The following AFF3 variants were observed in gnomAD, a reference collection of about 807,000 sequenced individuals.
AFF3 encodes AF4/FMR2 family member 3.
A neutral mutation model predicts 129.7 loss-of-function variants in AFF3; 32 were observed. The ratio of observed to expected loss-of-function variants is 0.25; its 90% CI spans 0.19 to 0.33. The LOEUF (loss-of-function observed/expected upper bound fraction) is 0.33, where lower values mean the gene tolerates loss of function less well. Ranked by LOEUF, AFF3 falls within the 10% of genes least tolerant of loss-of-function variation. The probability of loss-of-function intolerance (pLI) is 1.00; values close to 1 mark genes in which losing one functional copy is unlikely to be tolerated. For synonymous variants in AFF3, 644 were observed against 635.4 expected, an observed-to-expected ratio of 1.01 and a Z score of -0.20; for missense variants, 1,373 against 1,592.0, an observed-to-expected ratio of 0.86 and a Z score of 2.34.
chr2:99,664,517 G>A (rs1395501355), intron 12 of AFF3, among the ~76,000 whole-genome samples: 2 of 152,150 alleles, frequency 1.3e-5, no homozygotes, highest in Admixed American at 1.3e-4. Flanking sequence ...CATGGAGATC[G>A]GATAAATGCC....
At chr2:99,696,556 G>A (rs925953052) in intron 11 of AFF3, among the ~76,000 whole-genome samples, 6 of 152,140 alleles carry the variant, frequency 3.9e-5, no homozygotes, top group Admixed American at 6.5e-5. Context: ...TCTTCCTTCT[G>A]TATTAGACAT....
At chr2:100,079,182 G>A (rs768320912) in intron 4 of AFF3, among the ~76,000 whole-genome samples, 17 of 152,036 alleles carry the variant, frequency 1.1e-4, no homozygotes, top group Non-Finnish European at 1.9e-4. Context: ...TCCTGACCTC[G>A]TGATTCGCCT....
Position 99,765,307 on chromosome 2 carries a change from G to A in AFF3, c.922-13006C>T, listed in dbSNP as rs575640458. On this transcript the variant is annotated intron_variant, in intron 8 of 24. Coordinates refer to ENST00000672756, the MANE Select transcript of AFF3 (RefSeq NM_001386135.1). ...ACTGTGGAGGCTGGAAGGAGAAGGG[G>A]GTGAAAATTACATTCTTGGCCACGT... Among the ~76,000 whole-genome samples, 3 of 152,260 alleles carry A rather than the reference G, an allele frequency of 2.0e-5. No homozygotes were observed. In the East Asian group the frequency reaches 5.8e-4, roughly 29 times the overall value.
At chr2:99,961,787 C>T (rs987280468) in intron 7 of AFF3, among the ~76,000 whole-genome samples, 59 of 152,150 alleles carry the variant, frequency 3.9e-4, no homozygotes, top group Non-Finnish European at 8.2e-4. Flanking sequence ...TCCCAACCCA[C>T]AGCCTATATA....
chr2:100,010,086 A>C (rs1178194160), intron 4 of AFF3, among the ~76,000 whole-genome samples: 2 of 152,172 alleles, frequency 1.3e-5, no homozygotes, highest in African/African-American at 4.8e-5. Context: ...TCTACGCCTT[A>C]ATGACTTCAT....
intron 24 of AFF3, among the ~76,000 whole-genome samples, chr2:99,552,878 C>T (rs1254501892): frequency 6.6e-6 from 1 of 152,218 alleles, no homozygotes; most frequent in Non-Finnish European, 1.5e-5. Context: ...CTGTTTTGTC[C>T]ACTGGTGACA....
intron 13 of AFF3, among the ~76,000 whole-genome samples, chr2:99,645,468 G>A (rs1166452525): frequency 6.6e-6 from 1 of 152,138 alleles, no homozygotes; most frequent in African/African-American, 2.4e-5. Context: ...GTATAAAATA[G>A]ATAAAAAAAT....
chr2:100,048,381 T>C (rs184515492), intron 4 of AFF3, among the ~76,000 whole-genome samples: 4 of 152,340 alleles, frequency 2.6e-5, no homozygotes, highest in African/African-American at 9.6e-5. Flanking sequence ...ATTAGGTTTA[T>C]AGTGGAGCAG....
At position 99,707,560 on chromosome 2, in the gene AFF3, C is replaced by T. The variant is rs776714691; in HGVS notation, c.1091+19517G>A. The stretch of plus-strand genomic sequence containing the variant: ...TTGATATTGAATTACCAAAGTATCT[C>T]GCTGAAAAAAAAATCCCCCTTGCAA... On this transcript the variant is annotated intron_variant, in intron 11 of 24. Coordinates refer to ENST00000672756, the MANE Select transcript of AFF3 (RefSeq NM_001386135.1). 1,224 of 948,208 alleles carry T rather than the reference C, an allele frequency of 1.3e-3. 1 individual carries two copies. The highest frequency in any genetic ancestry group is 3.3e-3 in the Admixed American group (38 of 11,660). 58.7% of individuals were successfully genotyped at this position (948,208 alleles called of 1,614,324 possible). A position where few individuals can be genotyped will look rare whatever the true frequency, so the allele number is the denominator to read the frequency against.
At chr2:99,732,808 C>CATAT (rs1243036707) in intron 10 of AFF3, among the ~76,000 whole-genome samples, 2 of 152,158 alleles carry the variant, frequency 1.3e-5, no homozygotes, top group Non-Finnish European at 2.9e-5. Context: ...ACTCCCCAGA[C>CATAT]AGTATATGAG....
chr2:99,821,665 T>A (rs1046326397), intron 8 of AFF3, among the ~76,000 whole-genome samples: 1 of 152,224 alleles, frequency 6.6e-6, no homozygotes, highest in Non-Finnish European at 1.5e-5. Flanking sequence ...TCAACTGTTC[T>A]GTATTGGACA....
At chr2:100,002,231 C>T (rs916936482) in intron 7 of AFF3, among the ~76,000 whole-genome samples, 6 of 152,226 alleles carry the variant, frequency 3.9e-5, no homozygotes, top group Non-Finnish European at 1.5e-5. Flanking sequence ...TTTACAGATG[C>T]CTTTTTTGCC....
At chr2:100,007,561 A>G in intron 5 of AFF3, 101 bp from the exon 6 acceptor site, 1 of 1,075,976 alleles carries the variant, frequency 9.3e-7, no homozygotes, top group Non-Finnish European at 1.4e-6. Flanking sequence ...GGGTTGTCAC[A>G]TGCAGAATGA....
intron 8 of AFF3, among the ~76,000 whole-genome samples, chr2:99,830,003 T>C (rs1688398856): frequency 6.6e-6 from 1 of 152,178 alleles, no homozygotes; most frequent in South Asian, 2.1e-4. Context: ...GCCACCATTC[T>C]CAGCAAACTA....
intron 8 of AFF3, among the ~76,000 whole-genome samples, chr2:99,758,705 C>T (rs944625573): frequency 1.3e-5 from 2 of 152,032 alleles, no homozygotes; most frequent in African/African-American, 4.8e-5. Context: ...AAATACTTCC[C>T]CATGCATTTT....
Position 99,591,955 on chromosome 2 carries a change from G to T in AFF3, c.2466+1240C>A, listed in dbSNP as rs147674699. Among the ~76,000 whole-genome samples, 271 of 152,336 alleles carry T rather than the reference G, an allele frequency of 1.8e-3. 2 individuals carry two copies. The highest frequency in any genetic ancestry group is 6.3e-3 in the African/African-American group (261 of 41,564). ...TAACATGTATAAAGTGCCTAGAGCA[G>T]CATCTGTCATGGGGACCTATATACC... On this transcript the variant is annotated intron_variant, in intron 15 of 24. Transcript: ENST00000672756.
At chr2:100,079,993 C>T (rs539140946) in intron 4 of AFF3, among the ~76,000 whole-genome samples, 5 of 152,348 alleles carry the variant, frequency 3.3e-5, no homozygotes, top group South Asian at 4.1e-4. Flanking sequence ...ACTATCACTT[C>T]AGCAGAGTTC....
At chr2:99,626,456 C>CCTTCCCTTCCCTTTCCCCTTCCT (rs1682578432) in intron 13 of AFF3, among the ~76,000 whole-genome samples, 1 of 60,878 alleles carries the variant, frequency 1.6e-5, no homozygotes, top group Non-Finnish European at 4.3e-5. Flanking sequence ...CCTTCCCCTT[C>CCTTCCCTTCCCTTTCCCCTTCCT]CTTCCTTCCT....
intron 11 of AFF3, among the ~76,000 whole-genome samples, chr2:99,694,514 CT>C (rs1391636830): frequency 1.3e-5 from 2 of 152,084 alleles, no homozygotes; most frequent in East Asian, 3.9e-4. Flanking sequence ...ACATGGACGC[CT>C]ACTAATCAGT....
Sources: gnomAD v4.1 joint callset for allele counts (sites outside exome capture counted in the v4.1 genomes callset) on GRCh38, gnomAD v4.1.1 for gene constraint, MANE v1.5 for transcripts, NCBI Gene and HGNC (gene_info 2026-07-23, HGNC 2026-07-21) for gene names.